Variants in GPC6 observed in about 807,000 individuals in gnomAD.
The protein encoded by GPC6 is glypican 6, also known as glypican-6.
In GPC6, 14 loss-of-function variants were observed where a neutral mutation model predicts 55.2. That is an observed-to-expected ratio of 0.25 (90% CI 0.17 to 0.40). GPC6 has a LOEUF of 0.40. Ranked by LOEUF, GPC6 falls within the 10% of genes least tolerant of loss-of-function variation. GPC6 has a pLI of 1.00. For synonymous variants in GPC6, 278 were observed against 259.6 expected (o/e 1.07, Z -0.68); for missense variants, 641 against 708.5 (o/e 0.90, Z 1.08).
intron 4 of GPC6, among the ~76,000 whole-genome samples, chr13:94,151,714 A>T (rs1887748804): frequency 1.3e-5 from 2 of 152,246 alleles, no homozygotes; most frequent in East Asian, 3.9e-4. Flanking sequence ...AGCACACTAC[A>T]GCAGCTCTGA....
chr13:94,181,869 C>T (rs1162650814), intron 4 of GPC6, among the ~76,000 whole-genome samples: 1 of 152,214 alleles, frequency 6.6e-6, no homozygotes, highest in Non-Finnish European at 1.5e-5. Context: ...TGCTATACTT[C>T]ACATCCATTA....
Position 94,025,857 on chromosome 13 carries a change from A to T in GPC6, c.712-1872A>T, listed in dbSNP as rs1447006740. 3.3e-5 allele frequency among the ~76,000 whole-genome samples: 5 copies of T among 152,298 alleles called. No individual in the cohort carries two copies. The East Asian group carries it at 5.8e-4, about 18-fold the overall frequency. On this transcript the variant is annotated intron_variant, in intron 3 of 8. Transcript: ENST00000377047. ...TGACTTTCTATTGTTGATCATGTTGATTCTATTTTATTCAAGCCAGTATTG... is the reference window on the plus strand; with the variant it reads ...TGACTTTCTATTGTTGATCATGTTGTTTCTATTTTATTCAAGCCAGTATTG...
chr13:93,450,345 C>T (rs982663525), intron 1 of GPC6, among the ~76,000 whole-genome samples: 1 of 152,212 alleles, frequency 6.6e-6, no homozygotes, highest in Non-Finnish European at 1.5e-5. Context: ...GATGTAATCT[C>T]ATCACATGTT....
chr13:94,263,183 G>A (rs181908987), intron 4 of GPC6, among the ~76,000 whole-genome samples: 199 of 152,314 alleles, frequency 1.3e-3, no homozygotes, highest in Middle Eastern at 3.4e-3. Context: ...AGTTTCAGAA[G>A]ACTTGGAGAA....
intron 4 of GPC6, among the ~76,000 whole-genome samples, chr13:94,281,458 C>G (rs1254840613): frequency 6.6e-6 from 1 of 152,060 alleles, no homozygotes; most frequent in East Asian, 1.9e-4. Context: ...TTCTTGCTTT[C>G]TCTAAAACAC....
chr13:93,770,995 C>T (rs1885272281), intron 2 of GPC6, among the ~76,000 whole-genome samples: 1 of 152,082 alleles, frequency 6.6e-6, no homozygotes, highest in African/African-American at 2.4e-5. Flanking sequence ...TCATCCAGCA[C>T]TCCTTGTTGC....
intron 2 of GPC6, among the ~76,000 whole-genome samples, chr13:93,552,853 C>A (rs1475815966): frequency 6.6e-6 from 1 of 152,142 alleles, no homozygotes; most frequent in Non-Finnish European, 1.5e-5. Context: ...CTCACTAATC[C>A]TTTGAGTAAG....
At chr13:93,792,982 C>T (rs777234589) in intron 2 of GPC6, among the ~76,000 whole-genome samples, 13 of 152,138 alleles carry the variant, frequency 8.5e-5, no homozygotes, top group Middle Eastern at 3.2e-3. Flanking sequence ...TACCTCTCAT[C>T]CATAAAACGA....
intron 4 of GPC6, among the ~76,000 whole-genome samples, chr13:94,042,784 A>G (rs1883587718): frequency 6.6e-6 from 1 of 151,864 alleles, no homozygotes; most frequent in African/African-American, 2.4e-5. Context: ...GCATCCATCA[A>G]AGGATTTTGC....
chr13:94,368,653 GA>G lies in GPC6; in HGVS notation c.1153-13751del, dbSNP rs144083425. 1.5e-3 allele frequency among the ~76,000 whole-genome samples: 230 copies of G among 150,238 alleles called. 1 individual carries two copies. The highest frequency in any genetic ancestry group is 5.4e-3 in the African/African-American group (220 of 40,914). ...TGTTTATAGATATTTGGCCATGTCA[GA>G]AAAAAAAAATATTCTACCTGAGACT... On this transcript the variant is annotated intron_variant, in intron 6 of 8. Transcript: ENST00000377047.
At chr13:94,399,920 C>T (rs1167686936) in intron 8 of GPC6, among the ~76,000 whole-genome samples, 1 of 152,170 alleles carries the variant, frequency 6.6e-6, no homozygotes, top group Non-Finnish European at 1.5e-5. Flanking sequence ...TATCCATTGT[C>T]TTCTGTATTA....
chr13:94,073,975 A>G (rs1001334583), intron 4 of GPC6, among the ~76,000 whole-genome samples: 63 of 152,188 alleles, frequency 4.1e-4, no homozygotes, highest in African/African-American at 1.4e-3. Flanking sequence ...TTTAAAAATG[A>G]AGGTGAAGCC....
chr13:93,938,255 A>G (rs1218264174), intron 3 of GPC6, among the ~76,000 whole-genome samples: 1 of 152,228 alleles, frequency 6.6e-6, no homozygotes, highest in African/African-American at 2.4e-5. Flanking sequence ...AAATGAATTC[A>G]TTTTTAAATG....
intron 4 of GPC6, chr13:94,154,433 C>T (rs781107334): frequency 6.6e-6 from 1 of 152,122 alleles, no homozygotes; most frequent in Non-Finnish European, 1.5e-5. Flanking sequence ...TGGAAGTTAA[C>T]AAGAGCAGTG....
At chr13:93,739,291 A>G (rs1321022263) in intron 2 of GPC6, among the ~76,000 whole-genome samples, 3 of 152,156 alleles carry the variant, frequency 2.0e-5, no homozygotes, top group South Asian at 4.1e-4. Context: ...TATAAGCATG[A>G]CATGTGGCTT....
At chr13:94,246,273 A>G (rs1046279823) in intron 4 of GPC6, among the ~76,000 whole-genome samples, 6 of 151,976 alleles carry the variant, frequency 3.9e-5, no homozygotes, top group African/African-American at 1.4e-4. Flanking sequence ...CCCTTATCTG[A>G]TATATGGTTT....
intron 3 of GPC6, among the ~76,000 whole-genome samples, chr13:93,975,693 A>G (rs1880486552): frequency 6.6e-6 from 1 of 152,026 alleles, no homozygotes; most frequent in Non-Finnish European, 1.5e-5. Flanking sequence ...TATATGTTTC[A>G]TTTTTCCCCT....
chr13:93,783,128 C>A (rs1885707972), intron 2 of GPC6, among the ~76,000 whole-genome samples: 1 of 152,152 alleles, frequency 6.6e-6, no homozygotes, highest in South Asian at 2.1e-4. Flanking sequence ...CGGCTTCATC[C>A]ATGTCTGCAA....
At chr13:93,673,841 C>CT (rs1365215405) in intron 2 of GPC6, among the ~76,000 whole-genome samples, 2 of 152,018 alleles carry the variant, frequency 1.3e-5, no homozygotes, top group Non-Finnish European at 2.9e-5. Flanking sequence ...TTTATGAGAA[C>CT]TTTGTTTGCC....
Sources: allele counts gnomAD v4.1 joint callset (sites outside exome capture counted in the v4.1 genomes callset), GRCh38; gene constraint gnomAD v4.1.1; transcripts MANE v1.5; gene names NCBI Gene and HGNC (gene_info 2026-07-23, HGNC 2026-07-21).